Variants in SZT2 observed in about 807,000 individuals in gnomAD.
The protein encoded by SZT2 is SZT2 subunit of KICSTOR complex.
A neutral mutation model predicts 404.2 loss-of-function variants in SZT2; 216 were observed. The ratio of observed to expected loss-of-function variants is 0.53; its 90% CI spans 0.48 to 0.60. SZT2 has a LOEUF of 0.60. SZT2 is among the 20% of genes least tolerant of loss of function. SZT2 has a pLI of 0.00. For missense variants in SZT2, 3,857 were observed against 4,459.2 expected (o/e 0.86, Z 3.85); for synonymous variants, 1,693 against 1,749.9 (o/e 0.97, Z 0.81).
In SZT2 at chr1:43,453,674, C is replaced by T. The variant is rs1656713871; in HGVS notation, c.*3194C>T. The T allele has an allele frequency of 9.5e-6, 14 of 1,470,570 alleles. No individual in the cohort carries two copies. The highest frequency in any genetic ancestry group is 3.9e-5 in the South Asian group (3 of 76,360). 91.1% of individuals were successfully genotyped at this position (1,470,570 alleles called of 1,614,324 possible). A position where few individuals can be genotyped will look rare whatever the true frequency, so the allele number is the denominator to read the frequency against. On this transcript the variant is annotated 3_prime_UTR_variant, in exon 72 of 72. Transcript: ENST00000634258. ...CCAGCGCCTCAGGCGTCTCCGCGTA[C>T]GGCCAGGCCACCTCGACGGCCTCGA...
At chr1:43,401,103 G>A (rs371000168) in intron 1 of SZT2, among the ~76,000 whole-genome samples, 1 of 151,992 alleles carries the variant, frequency 6.6e-6, no homozygotes, top group South Asian at 2.1e-4. Context: ...TGTGTTTTTA[G>A]TAGTAGAGTT....
At chr1:43,444,099 CAT>C (rs999821825) in intron 62 of SZT2, among the ~76,000 whole-genome samples, 9 of 152,300 alleles carry the variant, frequency 5.9e-5, no homozygotes, top group East Asian at 5.8e-4. Context: ...TACATCCCCA[CAT>C]GTGAATTTTT....
At position 43,451,847 on chromosome 1, in the gene SZT2, G is replaced by T; in HGVS notation, c.*1367G>T. On this transcript the variant is annotated 3_prime_UTR_variant, in exon 72 of 72. Coordinates refer to ENST00000634258, the MANE Select transcript of SZT2 (RefSeq NM_001365999.1). ...TCCTACCTTCTGTAAGATGGCTGCC[G>T]CTGTAAGAGAAGCCAGGGAGGGGAC... The T allele has an allele frequency of 6.2e-7, 1 of 1,613,978 alleles. No homozygotes were observed. Among genetic ancestry groups the T allele is most frequent in the Non-Finnish European group, 8.5e-7 (1 of 1,179,934 alleles).
chr1:43,416,442 A>G (rs1443847852), intron 6 of SZT2, 93 bp from the exon 7 acceptor site: 2 of 986,762 alleles, frequency 2.0e-6, no homozygotes, highest in Non-Finnish European at 1.5e-6. Flanking sequence ...GTGGGAAGAC[A>G]CTGAGCCGTT....
At chr1:43,429,974 G>T in intron 29 of SZT2, 37 bp from the exon 30 acceptor site, 1 of 1,613,386 alleles carries the variant, frequency 6.2e-7, no homozygotes, top group South Asian at 1.1e-5. Flanking sequence ...GTTGAGGGGT[G>T]ACTGACATTC....
At position 43,403,193 on chromosome 1, in the gene SZT2, A is replaced by G; in HGVS notation, c.44A>G (p.Gln15Arg). Residue 15 changes from glutamine (Q) to arginine (R), a missense_variant, in exon 2 of 72, where the codon CAG becomes CGG. By Grantham distance (43) the Gln-to-Arg change is conservative (BLOSUM62 1). Transcript: ENST00000634258. ...TGTTCCCAGGTGGAAGAAGCTGGGCAGGTGTTCCTGTTAATGAAAAAGGAT... is the reference window on the plus strand; with the variant it reads ...TGTTCCCAGGTGGAAGAAGCTGGGCGGGTGTTCCTGTTAATGAAAAAGGAT... The part of the protein sequence containing the change: ...RPEPEVEEAG[Q>R]VFLLMKKDYR... 3 of 1,614,176 alleles carry G rather than the reference A, an allele frequency of 1.9e-6. No individual in the cohort carries two copies. Among genetic ancestry groups the G allele is most frequent in the Non-Finnish European group, 2.5e-6 (3 of 1,180,022 alleles).
chr1:43,426,260 G>T lies in SZT2; in HGVS notation c.3044-108G>T, dbSNP rs1157717790. 4.0e-6 allele frequency: 6 copies of T among 1,494,738 alleles called. No individual in the cohort carries two copies. The East Asian group carries it at 1.2e-4, about 31-fold the overall frequency. 92.6% of individuals were successfully genotyped at this position (1,494,738 alleles called of 1,614,324 possible). The stretch of plus-strand genomic sequence containing the variant: ...AGCAAGTGAGCAGATGAGTGGTGGG[G>T]GCAGGAGGAGCCCATGAGGCTGAAG... On this transcript the variant is annotated intron_variant, in intron 21 of 71. Coordinates refer to ENST00000634258, the MANE Select transcript of SZT2 (RefSeq NM_001365999.1). This position sits in a 1 kb window ranked among gnomAD's most constrained non-coding sequence, Gnocchi z 4.9.
At position 43,451,476 on chromosome 1, in the gene SZT2, A is replaced by C; in HGVS notation, c.*996A>C. On this transcript the variant is annotated 3_prime_UTR_variant, in exon 72 of 72. Transcript: ENST00000634258. ...TCATCTTCCAGCAGTTGAAACAGAT[A>C]GGGGAAATTCAGCTCTCCGGGGCTG... 1.2e-6 allele frequency: 2 copies of C among 1,614,136 alleles called. No individual in the cohort carries two copies. Among genetic ancestry groups the C allele is most frequent in the Non-Finnish European group, 1.7e-6 (2 of 1,180,036 alleles).
Position 43,447,710 on chromosome 1 carries a change from AG to A in SZT2, c.9440+16del, listed in dbSNP as rs1471331792. The A allele has an allele frequency of 5.0e-6, 8 of 1,612,460 alleles. 1 individual carries two copies. The Middle Eastern group carries it at 5.0e-4, about 100-fold the overall frequency. On this transcript the variant is annotated intron_variant, in intron 67 of 71. Transcript: ENST00000634258. The stretch of plus-strand genomic sequence containing the variant: ...TCGGCATGGCACAGGTAAGGCTGAG[AG>A]GGGCATCCAGCATGCACGCTGCAGG...
rs745617364 is a variant in SZT2, at chr1:43,451,113, G to A, written c.*633G>A. 4.2e-6 allele frequency: 4 copies of A among 953,474 alleles called. No individual in the cohort carries two copies. Among genetic ancestry groups the A allele is most frequent in the African/African-American group, 3.2e-5 (2 of 62,254 alleles). 59.1% of individuals were successfully genotyped at this position (953,474 alleles called of 1,614,324 possible). On this transcript the variant is annotated 3_prime_UTR_variant, in exon 72 of 72. Coordinates refer to ENST00000634258, the MANE Select transcript of SZT2 (RefSeq NM_001365999.1). The stretch of plus-strand genomic sequence containing the variant: ...AAGCAGCAGAGAAACTGAAGTGTTA[G>A]ACACTATGTGTCCCACCACCCCATT...
chr1:43,433,272 T>C, intron 40 of SZT2, 82 bp downstream of exon 40: 1 of 1,477,204 alleles, frequency 6.8e-7, no homozygotes, highest in Non-Finnish European at 9.2e-7. Flanking sequence ...TCCAGTGTTG[T>C]TAGAAGTAAG....
rs1656653911 is a variant in SZT2 at position 43,453,368 on chromosome 1, T to TGGGGTGGGGGG, written c.*2895_*2896insGGGGGGGGTGG. On this transcript the variant is annotated 3_prime_UTR_variant, in exon 72 of 72. Coordinates refer to ENST00000634258, the MANE Select transcript of SZT2 (RefSeq NM_001365999.1). ...GGGTCATGGGTCACAGGGGTGGGGGTGGGGTGGAGCGGGGTACCTGGGACA... is the reference window on the plus strand; with the variant it reads ...GGGTCATGGGTCACAGGGGTGGGGGTGGGGTGGGGGGGGGGTGGAGCGGGGTACCTGGGACA... The TGGGGTGGGGGG allele has an allele frequency of 1.1e-6, 1 of 905,986 alleles. No individual in the cohort carries two copies. The highest frequency in any genetic ancestry group is 1.4e-6 in the Non-Finnish European group (1 of 718,722). 56.1% of individuals were successfully genotyped at this position (905,986 alleles called of 1,614,324 possible).
At chr1:43,415,325 C>A in intron 5 of SZT2, 112 bp downstream of exon 5, 2 of 1,318,340 alleles carry the variant, frequency 1.5e-6, no homozygotes, top group South Asian at 1.4e-5. Context: ...AGAGCTGGGG[C>A]AAAATGAGAC....
chr1:43,446,465 G>C, intron 65 of SZT2, 49 bp downstream of exon 65: 1 of 1,606,708 alleles, frequency 6.2e-7, no homozygotes. Flanking sequence ...GTGTGCTGTG[G>C]GCAGCATGGC....
Position 43,451,566 on chromosome 1 carries a change from T to C in SZT2, c.*1086T>C. ...TGCCCTGGGGACAGATGTGGACAAA[T>C]GTGGGGTCCAGGCTCCTGCCAGGGC... On this transcript the variant is annotated 3_prime_UTR_variant, in exon 72 of 72. Transcript: ENST00000634258. 2 of 1,613,126 alleles carry C rather than the reference T, an allele frequency of 1.2e-6. No individual in the cohort carries two copies. Among genetic ancestry groups the C allele is most frequent in the Non-Finnish European group, 1.7e-6 (2 of 1,179,506 alleles).
intron 62 of SZT2, chr1:43,445,614 C>T: frequency 2.0e-6 from 1 of 494,114 alleles, no homozygotes; most frequent in East Asian, 3.4e-5. Context: ...CCTTCTCTTT[C>T]CTGCCCAGCA....
rs750860175 is a variant in SZT2, at chr1:43,425,612, G to A, written c.2784G>A (p.Gln928=). Residue 928 remains glutamine (Q), a synonymous_variant, in exon 19 of 72, where the codon CAG becomes CAA. Transcript: ENST00000634258. This position sits in a 1 kb window ranked among gnomAD's most constrained non-coding sequence, Gnocchi z 4.3. ...GPGPGIWKHL[Q]DLTYSEIPQA... ...GCCCTGGAATCTGGAAGCACCTCCA[G>A]GACCTGACGTATTCTGAGATCCCGC... 1.9e-6 allele frequency: 3 copies of A among 1,614,026 alleles called. No homozygotes were observed. The highest frequency in any genetic ancestry group is 2.2e-5 in the South Asian group (2 of 91,080).
In SZT2 at chr1:43,450,791, G is replaced by A. The variant is rs758595142; in HGVS notation, c.*311G>A. 7.0e-6 allele frequency: 5 copies of A among 709,992 alleles called. No individual in the cohort carries two copies. The highest frequency in any genetic ancestry group is 6.9e-5 in the South Asian group (5 of 72,470). The allele number at this position is 709,992 out of a possible 1,614,324, so 44.0% of individuals were successfully genotyped here. Reference sequence around the variant, plus strand: ...GGTAGAGTCTCGGGAGTTCACACAGGGTGGCAAACACCCCCTAGAGCTCCT... The same window carrying A: ...GGTAGAGTCTCGGGAGTTCACACAGAGTGGCAAACACCCCCTAGAGCTCCT... On this transcript the variant is annotated 3_prime_UTR_variant, in exon 72 of 72. Transcript: ENST00000634258. The surrounding 1 kb of genome is among the most constrained non-coding windows in gnomAD (Gnocchi z 4.3).
At chr1:43,397,996 C>T (rs1004306060) in intron 1 of SZT2, among the ~76,000 whole-genome samples, 3 of 152,212 alleles carry the variant, frequency 2.0e-5, no homozygotes, top group East Asian at 1.9e-4. Context: ...GAGGTGACCA[C>T]GTGCCCAACT....
Sources: allele counts gnomAD v4.1 joint callset (sites outside exome capture counted in the v4.1 genomes callset), GRCh38; gene constraint gnomAD v4.1.1; non-coding constraint Gnocchi (gnomAD v3.1); transcripts MANE v1.5; gene names NCBI Gene and HGNC (gene_info 2026-07-23, HGNC 2026-07-21).